Variants in NCKAP5 observed in about 807,000 individuals in gnomAD.
The protein encoded by NCKAP5 is NCK associated protein 5.
In NCKAP5, 92 loss-of-function variants were observed where a neutral mutation model predicts 167.0. The ratio of observed to expected loss-of-function variants is 0.55; its 90% CI spans 0.47 to 0.66. NCKAP5 has a LOEUF of 0.66. Among genes scored for constraint, NCKAP5 ranks in the 30% least tolerant of loss-of-function variants. NCKAP5 has a pLI of 0.00. For missense variants in NCKAP5, 2,378 were observed against 2,315.0 expected (o/e 1.03, Z -0.56); for synonymous variants, 891 against 877.4 (o/e 1.02, Z -0.27).
intron 4 of NCKAP5, among the ~76,000 whole-genome samples, chr2:133,269,717 GA>G (rs1196130405): frequency 6.6e-6 from 1 of 152,180 alleles, no homozygotes; most frequent in Admixed American, 6.5e-5. Flanking sequence ...ATGATCATCT[GA>G]CTTTTGTTTA....
rs887762068 is a variant in NCKAP5, at chr2:133,243,801, G to A, written c.144-30022C>T. 3.9e-5 allele frequency among the ~76,000 whole-genome samples: 6 copies of A among 152,234 alleles called. No homozygotes were observed. In the East Asian group the frequency reaches 1.2e-3, roughly 29 times the overall value. ...CTTGATGTGCTCCAAGAAAAACAAC[G>A]TTTGCTTCTTTCTCTTTCCCTATAT... On this transcript the variant is annotated intron_variant, in intron 4 of 19. Transcript: ENST00000409261.
chr2:133,215,311 T>TG (rs1013624286), intron 4 of NCKAP5, among the ~76,000 whole-genome samples: 3 of 152,198 alleles, frequency 2.0e-5, no homozygotes, highest in Non-Finnish European at 2.9e-5. Flanking sequence ...AGGATATGAA[T>TG]GAATTCTGTT....
At chr2:133,033,931 A>G (rs969263938) in intron 6 of NCKAP5, among the ~76,000 whole-genome samples, 2 of 152,266 alleles carry the variant, frequency 1.3e-5, no homozygotes, top group East Asian at 1.9e-4. Context: ...AGGTAGAAAA[A>G]GAGATAGGAG....
At chr2:133,197,484 T>C (rs2085488214) in intron 5 of NCKAP5, among the ~76,000 whole-genome samples, 1 of 151,722 alleles carries the variant, frequency 6.6e-6, no homozygotes, top group Admixed American at 6.6e-5. Flanking sequence ...TAATACAATA[T>C]CCAAAATATC....
chr2:133,322,143 A>G (rs1331325799), intron 3 of NCKAP5, among the ~76,000 whole-genome samples: 1 of 152,200 alleles, frequency 6.6e-6, no homozygotes, highest in Non-Finnish European at 1.5e-5. Flanking sequence ...ATTTAGCAGA[A>G]AGGCTAATAG....
intron 3 of NCKAP5, among the ~76,000 whole-genome samples, chr2:133,378,096 T>C (rs1007160728): frequency 6.6e-6 from 1 of 152,238 alleles, no homozygotes; most frequent in Non-Finnish European, 1.5e-5. Flanking sequence ...TGTCTGTATA[T>C]ATTAGAAGAA....
At chr2:133,054,919 GA>G (rs1186702249) in intron 6 of NCKAP5, among the ~76,000 whole-genome samples, 1 of 152,108 alleles carries the variant, frequency 6.6e-6, no homozygotes, top group Non-Finnish European at 1.5e-5. Context: ...AAACCCTGAT[GA>G]AAAGTGGCTA....
intron 4 of NCKAP5, among the ~76,000 whole-genome samples, chr2:133,279,774 A>G (rs1180973567): frequency 6.6e-6 from 1 of 152,218 alleles, no homozygotes; most frequent in Non-Finnish European, 1.5e-5. Flanking sequence ...ATGCAACTAA[A>G]TAGTGCCTGG....
rs769088390 is a variant in NCKAP5, at chr2:132,783,841, T to A, written c.2970A>T (p.Glu990Asp). The change falls in exon 14 of 20, where the codon GAA (glutamate) becomes GAT (aspartate). Residue 990 changes from glutamate (E) to aspartate (D), a missense_variant. Transcript: ENST00000409261. ...CCACAGAAGGTTTCTTCCTCTGCACTTCTGTCGTGGCCGGATTAGAAGAAA... is the reference window on the plus strand; with the variant it reads ...CCACAGAAGGTTTCTTCCTCTGCACATCTGTCGTGGCCGGATTAGAAGAAA... ...PVISSNPATT[E>D]VQRKKPSVAF... The A allele has an allele frequency of 7.8e-6, 12 of 1,532,380 alleles. No individual in the cohort carries two copies. In the South Asian group the frequency reaches 1.6e-4, roughly 20 times the overall value. 94.9% of individuals were successfully genotyped at this position (1,532,380 alleles called of 1,614,324 possible).
At chr2:133,054,999 T>C (rs2079747160) in intron 6 of NCKAP5, among the ~76,000 whole-genome samples, 1 of 152,208 alleles carries the variant, frequency 6.6e-6, no homozygotes, top group African/African-American at 2.4e-5. Flanking sequence ...TCTATTGATA[T>C]AACTCTTGAA....
At chr2:132,902,038 A>C (rs1457797784) in intron 8 of NCKAP5, among the ~76,000 whole-genome samples, 1 of 152,178 alleles carries the variant, frequency 6.6e-6, no homozygotes, top group Non-Finnish European at 1.5e-5. Context: ...ATTTCTGTGC[A>C]TATTGGTTTT....
intron 11 of NCKAP5, among the ~76,000 whole-genome samples, chr2:132,847,669 A>T (rs1355403339): frequency 3.3e-5 from 5 of 150,016 alleles, no homozygotes; most frequent in Non-Finnish European, 5.9e-5. Flanking sequence ...TTCCGTGAAC[A>T]CCTTCAAGGA....
chr2:133,620,221 A>T, the NCKAP5 span, among the ~76,000 whole-genome samples: 1 of 152,118 alleles, frequency 6.6e-6, no homozygotes, highest in Admixed American at 6.6e-5. Context: ...CAATGAATAG[A>T]ATAGTATCTC....
At chr2:133,192,694 A>G (rs2085280118) in intron 5 of NCKAP5, among the ~76,000 whole-genome samples, 1 of 152,110 alleles carries the variant, frequency 6.6e-6, no homozygotes. Context: ...TAAAACGACA[A>G]TGAGATATCA....
At chr2:133,091,207 A>G (rs932379517) in intron 6 of NCKAP5, among the ~76,000 whole-genome samples, 1 of 152,118 alleles carries the variant, frequency 6.6e-6, no homozygotes, top group Non-Finnish European at 1.5e-5. Flanking sequence ...TCTTTTCTTT[A>G]TAAATTACCC....
At chr2:133,236,824 A>C (rs1431815435) in intron 4 of NCKAP5, among the ~76,000 whole-genome samples, 2 of 152,206 alleles carry the variant, frequency 1.3e-5, no homozygotes, top group Non-Finnish European at 2.9e-5. Context: ...TTACCTCTAT[A>C]GGCTTCAATT....
In NCKAP5 at chr2:133,554,778, G is replaced by A. The variant is rs562640424; in HGVS notation, c.-62+4272C>T. ...TCAATATCAGGTACCATGGGCTGGT[G>A]ATTGGGGTCCCTATAAAAGAAATCA... On this transcript the variant is annotated intron_variant, in intron 2 of 19. Coordinates refer to ENST00000409261, the MANE Select transcript of NCKAP5 (RefSeq NM_207363.3). Among the ~76,000 whole-genome samples the A allele has an allele frequency of 2.0e-5, 3 of 152,284 alleles. No individual in the cohort carries two copies. The South Asian group carries it at 6.2e-4, about 32-fold the overall frequency.
At chr2:133,117,575 T>G (rs3795847) in intron 6 of NCKAP5, 2 of 152,002 alleles carry the variant, frequency 1.3e-5, no homozygotes, top group Non-Finnish European at 2.9e-5. Context: ...ATCTATTAGA[T>G]CTGTAGGATA....
intron 11 of NCKAP5, among the ~76,000 whole-genome samples, chr2:132,834,634 C>T (rs924747605): frequency 2.3e-4 from 35 of 152,210 alleles, no homozygotes; most frequent in African/African-American, 7.0e-4. Flanking sequence ...CGTGAGCCAC[C>T]GCACCCAGCC....
Sources: gnomAD v4.1 joint callset for allele counts (sites outside exome capture counted in the v4.1 genomes callset) on GRCh38, gnomAD v4.1.1 for gene constraint, MANE v1.5 for transcripts, NCBI Gene and HGNC (gene_info 2026-07-23, HGNC 2026-07-21) for gene names.